The following OPCML variants were observed in gnomAD, a reference collection of about 807,000 sequenced individuals.
The protein encoded by OPCML is opioid-binding protein/cell adhesion molecule.
A neutral mutation model predicts 37.8 loss-of-function variants in OPCML; 13 were observed. That is an observed-to-expected ratio of 0.34 (90% CI 0.22 to 0.55). The LOEUF (loss-of-function observed/expected upper bound fraction) is 0.55. Among genes scored for constraint, OPCML ranks in the 20% least tolerant of loss-of-function variants. The probability of loss-of-function intolerance (pLI) is 0.91; values close to 1 mark genes in which losing one functional copy is unlikely to be tolerated. For missense variants in OPCML, 341 were observed against 435.6 expected, an observed-to-expected ratio of 0.78 and a Z score of 1.93; for synonymous variants, 176 against 168.8, an observed-to-expected ratio of 1.04 and a Z score of -0.33.
chr11:133,426,565 A>ACCCTCTCTCCTCCTCTGCC (rs1946007318), intron 1 of OPCML, among the ~76,000 whole-genome samples: 1 of 152,014 alleles, frequency 6.6e-6, no homozygotes, highest in Non-Finnish European at 1.5e-5. Context: ...AGAAAGCTGC[A>ACCCTCTCTCCTCCTCTGCC]CCCTCTCTCC....
intron 3 of OPCML, among the ~76,000 whole-genome samples, chr11:132,544,935 G>A (rs2096365515): frequency 6.6e-6 from 1 of 152,144 alleles, no homozygotes; most frequent in Non-Finnish European, 1.5e-5. Flanking sequence ...CCCCATTCCA[G>A]TTTTATAGGG....
chr11:132,431,587 C>T (rs1024861527), intron 7 of OPCML, among the ~76,000 whole-genome samples: 2 of 152,210 alleles, frequency 1.3e-5, no homozygotes, highest in African/African-American at 4.8e-5. Context: ...GCTGTTTCAT[C>T]TTGGACGATC....
intron 2 of OPCML, among the ~76,000 whole-genome samples, chr11:132,894,314 C>A (rs1943755907): frequency 6.6e-6 from 1 of 152,204 alleles, no homozygotes; most frequent in African/African-American, 2.4e-5. Context: ...ACCTTGCTCT[C>A]CAGCTAACTT....
chr11:132,526,921 G>T (rs2096310050), intron 4 of OPCML, among the ~76,000 whole-genome samples: 1 of 151,926 alleles, frequency 6.6e-6, no homozygotes, highest in African/African-American at 2.4e-5. Context: ...CCACTGACTT[G>T]ACTTCTGCCA....
intron 1 of OPCML, among the ~76,000 whole-genome samples, chr11:133,398,864 T>C (rs1470581495): frequency 1.3e-5 from 2 of 152,162 alleles, no homozygotes; most frequent in Admixed American, 6.5e-5. Context: ...AATTTTCTAT[T>C]AGCCCTATTT....
intron 2 of OPCML, among the ~76,000 whole-genome samples, chr11:132,779,738 C>A (rs1223942473): frequency 2.6e-5 from 4 of 152,110 alleles, no homozygotes; most frequent in Admixed American, 2.6e-4. Flanking sequence ...CTGTGTAATA[C>A]AAATAGGGAG....
chr11:132,953,328 A>T (rs1945903655), intron 1 of OPCML, among the ~76,000 whole-genome samples: 1 of 152,148 alleles, frequency 6.6e-6, no homozygotes, highest in African/African-American at 2.4e-5. Context: ...TCAGCCAAAG[A>T]TCCAATGCCA....
At chr11:132,819,399 A>G (rs1042800110) in intron 2 of OPCML, among the ~76,000 whole-genome samples, 6 of 140,356 alleles carry the variant, frequency 4.3e-5, no homozygotes, top group African/African-American at 1.6e-4. Context: ...AAATAGATGT[A>G]TATATAAATG....
intron 1 of OPCML, among the ~76,000 whole-genome samples, chr11:133,448,899 C>T (rs1308369766): frequency 6.6e-6 from 1 of 152,200 alleles, no homozygotes; most frequent in Non-Finnish European, 1.5e-5. Flanking sequence ...TGTGGTTTAT[C>T]TCTACTGCCA....
At chr11:132,661,918 C>G (rs1275337885) in intron 2 of OPCML, among the ~76,000 whole-genome samples, 1 of 152,144 alleles carries the variant, frequency 6.6e-6, no homozygotes, top group Non-Finnish European at 1.5e-5. Flanking sequence ...AAAAGGAAAG[C>G]TATCTGGAAG....
chr11:133,319,093 C>T (rs1036655518), intron 1 of OPCML, among the ~76,000 whole-genome samples: 4 of 152,122 alleles, frequency 2.6e-5, no homozygotes, highest in African/African-American at 7.2e-5. Flanking sequence ...GATATTCACA[C>T]TTGTTTTGCT....
chr11:133,143,166 A>G lies in OPCML; in HGVS notation c.62-200156T>C, dbSNP rs545769535. 3.3e-5 allele frequency among the ~76,000 whole-genome samples: 5 copies of G among 152,306 alleles called. No individual in the cohort carries two copies. The East Asian group carries it at 7.8e-4, about 24-fold the overall frequency. The stretch of plus-strand genomic sequence containing the variant: ...CAGTCTGGCCTCCTCTGTTTCCAAG[A>G]TAGAATGTCAGTGACATATGAGCAA... On this transcript the variant is annotated intron_variant, in intron 1 of 7. Transcript: ENST00000524381.
chr11:132,626,004 T>C (rs61091681), intron 3 of OPCML, among the ~76,000 whole-genome samples: 8,910 of 152,056 alleles, frequency 0.059, 591 homozygotes, highest in East Asian at 0.29. Flanking sequence ...CTCCATTTAT[T>C]TTTTCAAGAA....
Position 132,437,268 on chromosome 11 carries a change from G to C in OPCML, c.597C>G (p.Asn199Lys). 1 of 1,614,200 alleles carries C rather than the reference G, an allele frequency of 6.2e-7. No homozygotes were observed. The highest frequency in any genetic ancestry group is 8.5e-7 in the Non-Finnish European group (1 of 1,180,038). The change falls in exon 5 of 8, where the codon AAC (asparagine) becomes AAG (lysine). Residue 199 changes from asparagine (N) to lysine (K), a missense_variant. Coordinates refer to ENST00000524381, the MANE Select transcript of OPCML (RefSeq NM_001012393.5). ...QSGEYECSAL[N>K]DVAAPDVRKV... Reference sequence around the variant, plus strand: ...TCCGCACATCGGGCGCAGCGACATCGTTCAACGCGCTGCATTCGTACTCCC... The same window carrying C: ...TCCGCACATCGGGCGCAGCGACATCCTTCAACGCGCTGCATTCGTACTCCC...
chr11:132,944,532 C>G lies in OPCML; in HGVS notation c.62-1522G>C, dbSNP rs1450431111. Among the ~76,000 whole-genome samples, 6 of 152,298 alleles carry G rather than the reference C, an allele frequency of 3.9e-5. No individual in the cohort carries two copies. The South Asian group carries it at 8.3e-4, about 21-fold the overall frequency. Reference sequence around the variant, plus strand: ...CCCAAAGTGGCAAATCTCAATTTCTCCTTAAAACACAGCATGCAACATTGT... The same window carrying G: ...CCCAAAGTGGCAAATCTCAATTTCTGCTTAAAACACAGCATGCAACATTGT... On this transcript the variant is annotated intron_variant, in intron 1 of 7. Coordinates refer to ENST00000524381, the MANE Select transcript of OPCML (RefSeq NM_001012393.5).
At chr11:132,623,457 GA>G (rs1939550659) in intron 3 of OPCML, among the ~76,000 whole-genome samples, 1 of 152,064 alleles carries the variant, frequency 6.6e-6, no homozygotes, top group Admixed American at 6.5e-5. Context: ...TTATATCTCT[GA>G]AAAAAATGAG....
chr11:132,972,839 A>G (rs2136760239), intron 1 of OPCML, among the ~76,000 whole-genome samples: 1 of 152,246 alleles, frequency 6.6e-6, no homozygotes. Context: ...TGAGGCCCTG[A>G]GAGGCTGGCT....
chr11:132,541,218 G>A (rs1044474887), intron 3 of OPCML, among the ~76,000 whole-genome samples: 13 of 152,186 alleles, frequency 8.5e-5, no homozygotes, highest in Non-Finnish European at 1.6e-4. Context: ...GAGTATTTCC[G>A]GCCTTCCTGG....
intron 1 of OPCML, among the ~76,000 whole-genome samples, chr11:133,504,822 C>T (rs548067450): frequency 1.9e-4 from 29 of 152,280 alleles, no homozygotes; most frequent in Non-Finnish European, 2.9e-4. Context: ...AATTAAAATG[C>T]GCCACCATGG....
Sources: allele counts gnomAD v4.1 joint callset (sites outside exome capture counted in the v4.1 genomes callset), GRCh38; gene constraint gnomAD v4.1.1; transcripts MANE v1.5; gene names NCBI Gene and HGNC (gene_info 2026-07-23, HGNC 2026-07-21).